TRPM1: variants seen among roughly 807,000 people sequenced by gnomAD.
The protein encoded by TRPM1 is transient receptor potential cation channel subfamily M member 1, also known as TRPM1-203 APA Isoform, Intron 10.
Under a neutral mutation model 149.4 loss-of-function variants are expected in TRPM1, and 113 were observed. The observed-to-expected ratio is 0.76, with a 90% CI of 0.65 to 0.88. The LOEUF (loss-of-function observed/expected upper bound fraction) is 0.88. Ranked by LOEUF, TRPM1 falls within the 40% of genes least tolerant of loss-of-function variation. The probability of loss-of-function intolerance (pLI) is 0.00; values close to 1 mark genes in which losing one functional copy is unlikely to be tolerated. For missense variants in TRPM1, 1,976 were observed against 2,038.7 expected (o/e 0.97, Z 0.59); for synonymous variants, 741 against 759.5 (o/e 0.98, Z 0.40).
chr15:31,120,430 A>C (rs12324335), intron 1 of TRPM1, among the ~76,000 whole-genome samples: 4 of 151,968 alleles, frequency 2.6e-5, no homozygotes, highest in African/African-American at 9.7e-5. Flanking sequence ...GCAAGGAGAA[A>C]TATAAAAATC....
chr15:31,156,618 T>C (rs1331717532), intron 1 of TRPM1, among the ~76,000 whole-genome samples: 2 of 152,198 alleles, frequency 1.3e-5, no homozygotes, highest in African/African-American at 2.4e-5. Context: ...CCCCACAATA[T>C]GTCCCCATTT....
chr15:31,085,918 G>T (rs73374058), intron 1 of TRPM1, among the ~76,000 whole-genome samples: 1 of 152,074 alleles, frequency 6.6e-6, no homozygotes, highest in East Asian at 1.9e-4. Flanking sequence ...CAGGCCTCAC[G>T]CTTAGAGAAA....
chr15:31,051,844 G>A (rs140918311), intron 11 of TRPM1, among the ~76,000 whole-genome samples: 1 of 152,202 alleles, frequency 6.6e-6, no homozygotes, highest in Non-Finnish European at 1.5e-5. Flanking sequence ...ACCACTCTCA[G>A]GACCTACCCT....
chr15:31,021,973 C>T (rs977979678), intron 27 of TRPM1, among the ~76,000 whole-genome samples: 2 of 151,978 alleles, frequency 1.3e-5, no homozygotes, highest in African/African-American at 4.8e-5. Context: ...GGCAACGTAC[C>T]CCACATATTT....
intron 1 of TRPM1, among the ~76,000 whole-genome samples, chr15:31,117,663 A>ATAC (rs869149260): frequency 6.5e-3 from 307 of 47,098 alleles, no homozygotes; most frequent in African/African-American, 0.014. Context: ...AAAAAAAAAA[A>ATAC]ATACACACAC....
At chr15:31,015,353 A>G (rs538010138) in intron 27 of TRPM1, among the ~76,000 whole-genome samples, 1 of 152,070 alleles carries the variant, frequency 6.6e-6, no homozygotes, top group South Asian at 2.1e-4. Flanking sequence ...CGGAGGCTGC[A>G]GTGAGCCGAG....
At chr15:31,027,425 C>T (rs1214351323) in intron 25 of TRPM1, among the ~76,000 whole-genome samples, 1 of 152,176 alleles carries the variant, frequency 6.6e-6, no homozygotes, top group Non-Finnish European at 1.5e-5. Context: ...CGGTATAAGC[C>T]ATTTAACTAA....
chr15:31,037,228 G>A (rs1238196987), intron 20 of TRPM1, among the ~76,000 whole-genome samples: 1 of 152,250 alleles, frequency 6.6e-6, no homozygotes, highest in African/African-American at 2.4e-5. Context: ...TGCCAGCCAA[G>A]CGGGTCAGTT....
upstream of TRPM1, among the ~76,000 whole-genome samples, chr15:31,102,176 C>T (rs1370898823): frequency 6.6e-6 from 1 of 152,234 alleles, no homozygotes; most frequent in African/African-American, 2.4e-5. Flanking sequence ...GTGAACCCAG[C>T]TGCAAATGCA....
At chr15:31,050,709 G>A in intron 11 of TRPM1, 127 bp from the exon 12 acceptor site, 1 of 1,011,156 alleles carries the variant, frequency 9.9e-7, no homozygotes, top group Non-Finnish European at 1.5e-6. Context: ...CAATGTACAT[G>A]TGCACACCCA....
intron 1 of TRPM1, among the ~76,000 whole-genome samples, chr15:31,154,108 CTG>C (rs964790687): frequency 2.0e-5 from 3 of 152,246 alleles, no homozygotes; most frequent in African/African-American, 7.2e-5. Flanking sequence ...GAATCAATGT[CTG>C]TCTACGGAAT....
At chr15:31,104,733 A>G (rs1422332091), upstream of TRPM1, among the ~76,000 whole-genome samples, 5 of 151,656 alleles carry the variant, frequency 3.3e-5, no homozygotes, top group East Asian at 9.7e-4. Context: ...AGCTGGGACT[A>G]CAGGTGCCTG....
chr15:31,094,135 T>C (rs1182064679), intron 1 of TRPM1, among the ~76,000 whole-genome samples: 1 of 152,208 alleles, frequency 6.6e-6, no homozygotes, highest in Non-Finnish European at 1.5e-5. Context: ...CAACTAATAG[T>C]GCTTGGAAAA....
At chr15:31,027,868 G>A (rs1054862038) in intron 25 of TRPM1, among the ~76,000 whole-genome samples, 1 of 152,016 alleles carries the variant, frequency 6.6e-6, no homozygotes, top group African/African-American at 2.4e-5. Flanking sequence ...TAAGAAACTC[G>A]ATTTAACCCT....
chr15:31,027,222 G>T, intron 25 of TRPM1, 105 bp from the exon 26 acceptor site: 2 of 1,008,538 alleles, frequency 2.0e-6, no homozygotes, highest in Non-Finnish European at 1.5e-6. Context: ...CAATGAGATG[G>T]CCTTTTAGTG....
At position 31,067,183 on chromosome 15, in the gene TRPM1, A is replaced by G; in HGVS notation, c.498T>C (p.Val166=). 1 of 1,614,142 alleles carries G rather than the reference A, an allele frequency of 6.2e-7. No individual in the cohort carries two copies. The highest frequency in any genetic ancestry group is 8.5e-7 in the Non-Finnish European group (1 of 1,180,024). Residue 166 remains valine (V), a synonymous_variant, in exon 6 of 28, where the codon GTT becomes GTC. Transcript: ENST00000256552. ...TCAAGGCATCCCCTACGTGGCTGAT[A>G]ACACCTGTGAGCAGCCATTGGTCAT... ...WIFTGGVSTG[V]ISHVGDALKD...
At chr15:31,049,911 C>T (rs1596018089) in intron 12 of TRPM1, among the ~76,000 whole-genome samples, 1 of 152,158 alleles carries the variant, frequency 6.6e-6, no homozygotes, top group African/African-American at 2.4e-5. Context: ...CACACGTCAC[C>T]ACAGAGGCCT....
intron 1 of TRPM1, among the ~76,000 whole-genome samples, chr15:31,145,273 C>G (rs999066885): frequency 6.6e-6 from 1 of 152,196 alleles, no homozygotes; most frequent in South Asian, 2.1e-4. Context: ...GCCAGGACAA[C>G]AAGATGCTGA....
At chr15:31,119,383 C>G (rs1230613510) in intron 1 of TRPM1, among the ~76,000 whole-genome samples, 2 of 151,656 alleles carry the variant, frequency 1.3e-5, no homozygotes, top group African/African-American at 4.8e-5. Flanking sequence ...AGAAACAAAC[C>G]AACAACCTAG....
Sources: allele counts gnomAD v4.1 joint callset (sites outside exome capture counted in the v4.1 genomes callset), GRCh38; gene constraint gnomAD v4.1.1; transcripts MANE v1.5; gene names NCBI Gene and HGNC (gene_info 2026-07-23, HGNC 2026-07-21).